SPIDR: variants seen among roughly 807,000 people sequenced by gnomAD.
SPIDR encodes the protein DNA repair-scaffolding protein.
SPIDR carries 93 observed loss-of-function variants against 104.6 expected under a neutral mutation model. The ratio of observed to expected loss-of-function variants is 0.89; its 90% CI spans 0.75 to 1.06. The LOEUF (loss-of-function observed/expected upper bound fraction) is 1.06. SPIDR is among the 50% of genes least tolerant of loss of function. The pLI is 0.00. For synonymous variants in SPIDR, 431 were observed against 416.9 expected (o/e 1.03, Z -0.41); for missense variants, 1,154 against 1,111.2 (o/e 1.04, Z -0.55).
chr8:47,576,693 C>A, intron 8 of SPIDR, among the ~76,000 whole-genome samples: 1 of 152,150 alleles, frequency 6.6e-6, no homozygotes, highest in East Asian at 1.9e-4. Flanking sequence ...CTTGGCCTCC[C>A]AAAGTGCTGG....
chr8:47,322,422 A>G (rs2046836472), intron 5 of SPIDR, among the ~76,000 whole-genome samples: 1 of 152,212 alleles, frequency 6.6e-6, no homozygotes, highest in African/African-American at 2.4e-5. Context: ...GGCAGTCATT[A>G]AGAAGTCAGG....
At chr8:47,354,954 T>G (rs1216828451) in intron 5 of SPIDR, among the ~76,000 whole-genome samples, 2 of 151,816 alleles carry the variant, frequency 1.3e-5, no homozygotes, top group Non-Finnish European at 2.9e-5. Flanking sequence ...TAATGAAGGT[T>G]TTTTGTTTTT....
At chr8:47,498,234 C>T (rs2079768566) in intron 8 of SPIDR, among the ~76,000 whole-genome samples, 4 of 152,152 alleles carry the variant, frequency 2.6e-5, no homozygotes, top group African/African-American at 9.7e-5. Context: ...AAGGGAAGCA[C>T]ATTGTTGGCC....
intron 1 of SPIDR, among the ~76,000 whole-genome samples, chr8:47,276,166 T>C (rs941399188): frequency 2.6e-5 from 4 of 152,222 alleles, no homozygotes; most frequent in African/African-American, 7.2e-5. Flanking sequence ...TTGCCTGTTA[T>C]AATGTTAAGA....
chr8:47,320,060 A>G (rs1454922335), intron 5 of SPIDR, among the ~76,000 whole-genome samples: 2 of 152,148 alleles, frequency 1.3e-5, no homozygotes, highest in Non-Finnish European at 2.9e-5. Flanking sequence ...GAGCAAACAC[A>G]TTCAAAAGCT....
chr8:47,449,985 C>T (rs1373882285), intron 8 of SPIDR, among the ~76,000 whole-genome samples: 1 of 151,990 alleles, frequency 6.6e-6, no homozygotes, highest in African/African-American at 2.4e-5. Context: ...GCAGCCTGGG[C>T]AAACCCCATC....
intron 8 of SPIDR, among the ~76,000 whole-genome samples, chr8:47,580,153 G>C (rs1249882709): frequency 6.6e-6 from 1 of 152,200 alleles, no homozygotes; most frequent in South Asian, 2.1e-4. Context: ...TGTAAATGTT[G>C]TGTATATGAG....
intron 8 of SPIDR, among the ~76,000 whole-genome samples, chr8:47,461,148 G>T (rs527329094): frequency 9.8e-5 from 15 of 152,294 alleles, no homozygotes; most frequent in African/African-American, 2.9e-4. Context: ...GATCTTTTGT[G>T]ATGAATTTCC....
chr8:47,484,801 G>A (rs1455858252), intron 8 of SPIDR, among the ~76,000 whole-genome samples: 2 of 152,202 alleles, frequency 1.3e-5, no homozygotes, highest in African/African-American at 4.8e-5. Context: ...TCCTGAATGT[G>A]TTTACCACAT....
chr8:47,422,485 C>T (rs1222501241), intron 7 of SPIDR, among the ~76,000 whole-genome samples: 6 of 152,176 alleles, frequency 3.9e-5, no homozygotes, highest in African/African-American at 9.7e-5. Context: ...GGGAGTGACC[C>T]GATTTTCCAG....
chr8:47,660,545 A>G, intron 10 of SPIDR: 1 of 984,568 alleles, frequency 1.0e-6, no homozygotes, highest in African/African-American at 1.7e-5. Context: ...TTCCCCTGGA[A>G]CCACTTTCTG....
At chr8:47,453,347 A>G (rs575017874) in intron 8 of SPIDR, among the ~76,000 whole-genome samples, 1 of 152,350 alleles carries the variant, frequency 6.6e-6, no homozygotes, top group East Asian at 1.9e-4. Flanking sequence ...GACTTTCTTC[A>G]CAGAGTTGGA....
chr8:47,398,605 G>C (rs2061500827), intron 6 of SPIDR, among the ~76,000 whole-genome samples: 1 of 152,168 alleles, frequency 6.6e-6, no homozygotes, highest in African/African-American at 2.4e-5. Flanking sequence ...ACAATCATGA[G>C]GCTTTTGGCC....
At chr8:47,658,471 G>A (rs1419592600) in intron 10 of SPIDR, among the ~76,000 whole-genome samples, 2 of 152,050 alleles carry the variant, frequency 1.3e-5, no homozygotes, top group East Asian at 3.9e-4. Flanking sequence ...TCAAAGTCCA[G>A]ACTGGCACCA....
chr8:47,281,751 C>T (rs2037821523), intron 2 of SPIDR, among the ~76,000 whole-genome samples: 1 of 152,176 alleles, frequency 6.6e-6, no homozygotes, highest in Non-Finnish European at 1.5e-5. Flanking sequence ...TTCCAAACTC[C>T]TGTTAATGCT....
At chr8:47,514,051 C>T (rs1219319518) in intron 8 of SPIDR, among the ~76,000 whole-genome samples, 1 of 152,130 alleles carries the variant, frequency 6.6e-6, no homozygotes, top group South Asian at 2.1e-4. Context: ...GAAAAAGGTC[C>T]ATGGCATTGC....
chr8:47,402,798 T>C (rs1388059895), intron 6 of SPIDR, among the ~76,000 whole-genome samples: 1 of 152,232 alleles, frequency 6.6e-6, no homozygotes, highest in Non-Finnish European at 1.5e-5. Context: ...GTACCATTAC[T>C]TCTGAAACTA....
In SPIDR at chr8:47,291,146, C is replaced by T; in HGVS notation, c.361+9C>T. 6.3e-7 allele frequency: 1 copy of T among 1,582,256 alleles called. No individual in the cohort carries two copies. Among genetic ancestry groups the T allele is most frequent in the Non-Finnish European group, 8.7e-7 (1 of 1,154,364 alleles). ...TTCTCAGTTACAGAGAGGTAATGGA[C>T]ATTGCTCTAGAATAGACAGATTTTG... is the stretch of plus-strand genomic sequence containing the variant. On this transcript the variant is annotated intron_variant, in intron 4 of 19. Transcript: ENST00000297423.
At position 47,308,641 on chromosome 8, in the gene SPIDR, T is replaced by C. The variant is rs1209984004; in HGVS notation, c.525+14611T>C. 2.1e-4 allele frequency among the ~76,000 whole-genome samples: 8 copies of C among 37,406 alleles called. No individual in the cohort carries two copies. The Admixed American group carries it at 2.7e-3, about 12-fold the overall frequency. The allele number at this position is 37,406 out of a possible 152,430, so 24.5% of individuals were successfully genotyped here. ...CCAGCAGTTACTTTGTGGGTGGGGG[T>C]GGGGATGGGGGTGGGAGAGGGCTTG... On this transcript the variant is annotated intron_variant, in intron 5 of 19. Coordinates refer to ENST00000297423, the MANE Select transcript of SPIDR (RefSeq NM_001080394.4).
Sources: gnomAD v4.1 joint callset for allele counts (sites outside exome capture counted in the v4.1 genomes callset) on GRCh38, gnomAD v4.1.1 for gene constraint, MANE v1.5 for transcripts, NCBI Gene and HGNC (gene_info 2026-07-23, HGNC 2026-07-21) for gene names.